Variants in PLXNA1 observed in about 807,000 individuals in gnomAD.
The protein encoded by PLXNA1 is plexin-A1.
Under a neutral mutation model 191.7 loss-of-function variants are expected in PLXNA1, and 77 were observed. The ratio of observed to expected loss-of-function variants is 0.40; its 90% CI spans 0.33 to 0.49. PLXNA1 has a LOEUF of 0.49. Among genes scored for constraint, PLXNA1 ranks in the 20% least tolerant of loss-of-function variants. PLXNA1 has a pLI of 0.63. For missense variants in PLXNA1, 2,110 were observed against 2,660.2 expected (o/e 0.79, Z 4.55); for synonymous variants, 1,137 against 1,156.4 (o/e 0.98, Z 0.34).
chr3:126,990,088 C>T (rs2078983213), intron 2 of PLXNA1, among the ~76,000 whole-genome samples: 1 of 152,224 alleles, frequency 6.6e-6, no homozygotes, highest in Non-Finnish European at 1.5e-5. Context: ...GGACAGAGTG[C>T]CAGCCACATG....
chr3:127,009,288 T>C (rs1299182538), intron 9 of PLXNA1, among the ~76,000 whole-genome samples: 1 of 151,930 alleles, frequency 6.6e-6, no homozygotes, highest in East Asian at 1.9e-4. Context: ...GCCCTCCCCA[T>C]CCATGCCATG....
Position 127,030,339 on chromosome 3 carries a change from G to A in PLXNA1, c.5158G>A (p.Asp1720Asn), listed in dbSNP as rs1367941280. Residue 1720 changes from aspartate (D) to asparagine (N), a missense_variant, in exon 29 of 32, where the codon GAC becomes AAC. By Grantham distance (23) the Asp-to-Asn change is conservative. Coordinates refer to ENST00000393409, the MANE Select transcript of PLXNA1 (RefSeq NM_032242.4). ...GCCGCTGGCCATCAAGTACATGTTC[G>A]ACTTCCTGGATGAGCAGGCCGACAA... ...ALPLAIKYMF[D>N]FLDEQADKHQ... 3.1e-6 allele frequency: 5 copies of A among 1,614,058 alleles called. No homozygotes were observed. The highest frequency in any genetic ancestry group is 1.1e-5 in the South Asian group (1 of 91,086).
chr3:126,983,604 C>G (rs1376460722), intron 1 of PLXNA1, among the ~76,000 whole-genome samples: 2 of 147,736 alleles, frequency 1.4e-5, no homozygotes, highest in African/African-American at 2.4e-5. Context: ...TCCAGCGCCG[C>G]GGCCTCCCCC....
intron 9 of PLXNA1, among the ~76,000 whole-genome samples, chr3:127,010,679 T>A (rs745443224): frequency 6.6e-6 from 1 of 152,162 alleles, no homozygotes; most frequent in African/African-American, 2.4e-5. Context: ...TGGTGCTTTT[T>A]CCTGGCTGGG....
At chr3:127,024,730 G>A (rs549032621) in intron 23 of PLXNA1, among the ~76,000 whole-genome samples, 2 of 152,234 alleles carry the variant, frequency 1.3e-5, no homozygotes, top group East Asian at 1.9e-4. Context: ...GGGAGGACAC[G>A]TACTGGGCGC....
rs1344111075 is a variant in PLXNA1 at position 127,005,006 on chromosome 3, C to A, written c.1741C>A (p.Pro581Thr). Residue 581 changes from proline to threonine, a missense_variant and splice_region_variant, in exon 6 of 32, where the codon CCA becomes ACA. This residue lies in a region of PLXNA1 where 903 missense variants were observed against 1,015.7 expected (regional missense o/e 0.89). Coordinates refer to ENST00000393409, the MANE Select transcript of PLXNA1 (RefSeq NM_032242.4). ...RNVSVTMSQV[P>T]LVLQAWNVPD... is the part of the protein sequence containing the mutation. Reference sequence around the variant, plus strand: ...TGTGTCTGTCACCATGTCCCAGGTCCCAGTAAGTGTGGCACCCCAGGTGGT... The same window carrying A: ...TGTGTCTGTCACCATGTCCCAGGTCACAGTAAGTGTGGCACCCCAGGTGGT... 1 of 1,608,782 alleles carries A rather than the reference C, an allele frequency of 6.2e-7. No individual in the cohort carries two copies. Among genetic ancestry groups the A allele is most frequent in the Non-Finnish European group, 8.5e-7 (1 of 1,176,926 alleles).
At position 127,014,465 on chromosome 3, in the gene PLXNA1, C is replaced by A; in HGVS notation, c.2605-13C>A. 6.3e-7 allele frequency: 1 copy of A among 1,599,462 alleles called. No individual in the cohort carries two copies. The highest frequency in any genetic ancestry group is 8.5e-7 in the Non-Finnish European group (1 of 1,178,886). On this transcript the variant is annotated splice_polypyrimidine_tract_variant and intron_variant, in intron 12 of 31. Transcript: ENST00000393409. ...CTGTGGGATGCCTGTACCCCAGCCTCTGCCTCCCTCAGCTGTCCCCCGAGA... is the reference window on the plus strand; with the variant it reads ...CTGTGGGATGCCTGTACCCCAGCCTATGCCTCCCTCAGCTGTCCCCCGAGA...
At chr3:126,990,713 C>T (rs754721338) in intron 2 of PLXNA1, among the ~76,000 whole-genome samples, 23 of 152,252 alleles carry the variant, frequency 1.5e-4, no homozygotes, top group Non-Finnish European at 2.9e-4. Context: ...TCAGTCCTTC[C>T]GTCTCACGCT....
intron 3 of PLXNA1, among the ~76,000 whole-genome samples, chr3:127,001,722 C>T (rs1273783761): frequency 6.6e-6 from 1 of 152,260 alleles, no homozygotes; most frequent in Non-Finnish European, 1.5e-5. Context: ...GTTGGCTGCG[C>T]AGGTGCGGTG....
intron 3 of PLXNA1, among the ~76,000 whole-genome samples, chr3:126,991,953 A>T (rs1414973374): frequency 6.6e-6 from 1 of 151,938 alleles, no homozygotes; most frequent in Non-Finnish European, 1.5e-5. Context: ...CAGCCAGGAG[A>T]TCCAGTGTCT....
intron 3 of PLXNA1, 74 bp from the exon 4 acceptor site, chr3:127,003,256 G>A: frequency 6.8e-7 from 1 of 1,480,924 alleles, no homozygotes; most frequent in Non-Finnish European, 9.0e-7. Context: ...TTAGACCCCT[G>A]ACCTTCTGTG....
Position 127,014,609 on chromosome 3 carries a change from C to T in PLXNA1, c.2736C>T (p.Ser912=). The change falls in exon 13 of 32, where the codon AGC becomes AGT. Residue 912 remains serine (S), a synonymous_variant. Transcript: ENST00000393409. ...VGKVLCSPVE[S]EYISAEQIVC... ...AGGTGCTGTGCAGCCCTGTGGAGAG[C>T]GAGTACATCAGTGCGGAGCAGTGAG... 1 of 1,613,160 alleles carries T rather than the reference C, an allele frequency of 6.2e-7. No homozygotes were observed. The highest frequency in any genetic ancestry group is 8.5e-7 in the Non-Finnish European group (1 of 1,179,844).
At chr3:126,984,028 T>A (rs1252553431) in intron 1 of PLXNA1, among the ~76,000 whole-genome samples, 1 of 152,160 alleles carries the variant, frequency 6.6e-6, no homozygotes, top group Non-Finnish European at 1.5e-5. Context: ...TCGGGGCCTC[T>A]CCAGGGTCAG....
chr3:127,034,213 A>G lies in PLXNA1; in HGVS notation c.*196A>G. The G allele has an allele frequency of 1.8e-6, 1 of 552,954 alleles. No homozygotes were observed. Among genetic ancestry groups the G allele is most frequent in the Non-Finnish European group, 3.2e-6 (1 of 308,818 alleles). The allele number at this position is 552,954 out of a possible 1,614,324, so 34.3% of individuals were successfully genotyped here. On this transcript the variant is annotated 3_prime_UTR_variant, in exon 32 of 32. Coordinates refer to ENST00000393409, the MANE Select transcript of PLXNA1 (RefSeq NM_032242.4). ...GTGTGGAGGTGATGGTACCTGCCACACCACAGCTGCGCACACAGCTGCTTG... is the reference window on the plus strand; with the variant it reads ...GTGTGGAGGTGATGGTACCTGCCACGCCACAGCTGCGCACACAGCTGCTTG...
rs951220560 is a variant in PLXNA1, at chr3:127,035,456, G to A, written c.*1439G>A. 2.0e-5 allele frequency: 3 copies of A among 152,442 alleles called. No individual in the cohort carries two copies. The highest frequency in any genetic ancestry group is 7.2e-5 in the African/African-American group (3 of 41,432). The allele number at this position is 152,442 out of a possible 1,614,324, so 9.4% of individuals were successfully genotyped here. Reference sequence around the variant, plus strand: ...GCGGGCCGCTGTTTTGGTTTGACATGACAAGGAAAGGACTTCCTGCTGACC... The same window carrying A: ...GCGGGCCGCTGTTTTGGTTTGACATAACAAGGAAAGGACTTCCTGCTGACC... On this transcript the variant is annotated 3_prime_UTR_variant, in exon 32 of 32. Transcript: ENST00000393409.
At chr3:127,013,431 A>G (rs1478162329) in intron 10 of PLXNA1, among the ~76,000 whole-genome samples, 1 of 152,218 alleles carries the variant, frequency 6.6e-6, no homozygotes, top group Non-Finnish European at 1.5e-5. Flanking sequence ...CAGCACGGGA[A>G]CAGAGTTGAG....
chr3:127,005,315 TAGCGCCTCCCTTGTTC>T (rs767909476), intron 7 of PLXNA1, 72 bp downstream of exon 7: 1,313 of 1,507,852 alleles, frequency 8.7e-4, no homozygotes, highest in Non-Finnish European at 1.1e-3. Flanking sequence ...GCCGCCTGTT[TAGCGCCTCCCTTGTTC>T]AGTTCCAAGG....
At position 127,022,164 on chromosome 3, in the gene PLXNA1, G is replaced by A. The variant is rs752299650; in HGVS notation, c.4118G>A (p.Arg1373His). The A allele has an allele frequency of 4.3e-6, 7 of 1,613,334 alleles. No individual in the cohort carries two copies. Among genetic ancestry groups the A allele is most frequent in the Non-Finnish European group, 5.9e-6 (7 of 1,179,956 alleles). The change falls in exon 22 of 32, where the codon CGC becomes CAC. Residue 1373 changes from arginine (R) to histidine (H), a missense_variant. Physicochemically the swap from Arg to His is conservative, Grantham distance 29. Around this residue, in one of 4 missense-constraint regions of PLXNA1, gnomAD observed 559 missense variants for 911.5 expected, o/e 0.61. Coordinates refer to ENST00000393409, the MANE Select transcript of PLXNA1 (RefSeq NM_032242.4). Reference sequence around the variant, plus strand: ...AAGCACTTCCTGCTGACCTTCATCCGCACGCTGGAGGCACAGCGCAGCTTC... The same window carrying A: ...AAGCACTTCCTGCTGACCTTCATCCACACGCTGGAGGCACAGCGCAGCTTC... The part of the protein sequence containing the change: ...TKKHFLLTFI[R>H]TLEAQRSFSM...
intron 3 of PLXNA1, among the ~76,000 whole-genome samples, chr3:126,995,750 C>T (rs1399650542): frequency 2.0e-5 from 3 of 152,234 alleles, no homozygotes; most frequent in African/African-American, 7.2e-5. Flanking sequence ...TGCACTGTGG[C>T]CTTGAGTAGC....
Sources: allele counts gnomAD v4.1 joint callset (sites outside exome capture counted in the v4.1 genomes callset), GRCh38; gene constraint gnomAD v4.1.1; regional missense constraint gnomAD v4.1.1; transcripts MANE v1.5; gene names NCBI Gene and HGNC (gene_info 2026-07-23, HGNC 2026-07-21).